Variants in KPNA3 observed in about 807,000 individuals in gnomAD.
KPNA3 encodes karyopherin subunit alpha 3.
KPNA3 carries 13 observed loss-of-function variants against 73.8 expected under a neutral mutation model. That is an observed-to-expected ratio of 0.18 (90% CI 0.11 to 0.28). KPNA3 has a LOEUF of 0.28. Ranked by LOEUF, KPNA3 falls within the 10% of genes least tolerant of loss-of-function variation. The pLI is 1.00. For synonymous variants in KPNA3, 186 were observed against 206.9 expected (o/e 0.90, Z 0.87); for missense variants, 360 against 618.1 (o/e 0.58, Z 4.43).
At chr13:49,747,173 C>T (rs1954623830) in intron 1 of KPNA3, among the ~76,000 whole-genome samples, 180 bp from the exon 2 acceptor site, 1 of 151,928 alleles carries the variant, frequency 6.6e-6, no homozygotes, top group Non-Finnish European at 1.5e-5. Context: ...GAAACCTAGT[C>T]TCTACTAAAA....
At chr13:49,703,355 T>C (rs1480499161) in intron 15 of KPNA3, among the ~76,000 whole-genome samples, 1 of 151,598 alleles carries the variant, frequency 6.6e-6, no homozygotes, top group African/African-American at 2.4e-5. Context: ...TAATTTTTTG[T>C]GTTTTTAGTA....
Position 49,710,924 on chromosome 13 carries a change from C to T in KPNA3, c.870G>A (p.Val290=), listed in dbSNP as rs1490409510. Residue 290 remains valine, a synonymous_variant, in exon 11 of 17, where the codon GTG becomes GTA. Transcript: ENST00000261667. ...VIDSGVVPFL[V]PLLSHQEVKV... is the part of the protein sequence containing the mutation. ...TGACTTCCTGATGGCTCAGAAGGGG[C>T]ACAAGAAAGGGCACAACTCCTGAAT... 6.2e-7 allele frequency: 1 copy of T among 1,613,722 alleles called. No homozygotes were observed. The highest frequency in any genetic ancestry group is 8.5e-7 in the Non-Finnish European group (1 of 1,179,840).
intron 2 of KPNA3, among the ~76,000 whole-genome samples, chr13:49,738,890 T>C (rs1954548430): frequency 6.6e-6 from 1 of 152,248 alleles, no homozygotes; most frequent in African/African-American, 2.4e-5. Context: ...GCAGTTATGA[T>C]GGACTTCCTC....
intron 1 of KPNA3, among the ~76,000 whole-genome samples, chr13:49,791,084 C>A (rs1448933787): frequency 6.6e-6 from 1 of 152,244 alleles, no homozygotes; most frequent in African/African-American, 2.4e-5. Context: ...TTATTTGACT[C>A]ATTTAAATGG....
rs192564587 is a variant in KPNA3 at position 49,757,381 on chromosome 13, T to C, written c.70-10388A>G. ...CCAACCAACCAATGGAACTAGAAAATGGGCAAAAGAAATGAAAAAATATTT... is the reference window on the plus strand; with the variant it reads ...CCAACCAACCAATGGAACTAGAAAACGGGCAAAAGAAATGAAAAAATATTT... On this transcript the variant is annotated intron_variant, in intron 1 of 16. Coordinates refer to ENST00000261667, the MANE Select transcript of KPNA3 (RefSeq NM_002267.4). Among the ~76,000 whole-genome samples, 29 of 151,024 alleles carry C rather than the reference T, an allele frequency of 1.9e-4. No individual in the cohort carries two copies. In the East Asian group the frequency reaches 5.6e-3, roughly 29 times the overall value.
intron 9 of KPNA3, among the ~76,000 whole-genome samples, chr13:49,720,729 CAAAAAAAAAAA>C (rs10707385): frequency 3.4e-5 from 3 of 88,020 alleles, no homozygotes; most frequent in Non-Finnish European, 7.0e-5. Flanking sequence ...GAGACTGTCT[CAAAAAAAAAAA>C]AAAAAAAAAG....
intron 1 of KPNA3, among the ~76,000 whole-genome samples, chr13:49,761,652 A>G (rs7998351): frequency 0.52 from 76,569 of 147,040 alleles, 18,762 homozygotes; most frequent in East Asian, 0.87. Flanking sequence ...GCCTCTGCCC[A>G]GCCGCCACCC....
At chr13:49,704,884 T>C (rs939267956) in intron 15 of KPNA3, among the ~76,000 whole-genome samples, 34 of 152,218 alleles carry the variant, frequency 2.2e-4, no homozygotes, top group Non-Finnish European at 3.5e-4. Flanking sequence ...TATGAAATAA[T>C]ATTTCCTAAA....
intron 2 of KPNA3, among the ~76,000 whole-genome samples, chr13:49,735,704 C>T (rs1402777525): frequency 1.3e-5 from 2 of 152,142 alleles, no homozygotes; most frequent in African/African-American, 2.4e-5. Flanking sequence ...AAATGGATTT[C>T]TTAAATTCCT....
chr13:49,737,550 AGTGTGTGTGTCTGTGTGTGT>A (rs1399365931), intron 2 of KPNA3, among the ~76,000 whole-genome samples: 1 of 124,522 alleles, frequency 8.0e-6, no homozygotes, highest in African/African-American at 3.2e-5. Context: ...CTTACTATTA[AGTGTGTGTGTCTGTGTGTGT>A]GTGTGTGTGT....
In KPNA3 at chr13:49,732,968, C is replaced by G; in HGVS notation, c.193G>C (p.Asp65His). Reference protein sequence around the residue: ...ESLEDSDVDADFKAQNVTLEA... With the variant: ...ESLEDSDVDAHFKAQNVTLEA... ...ACATGGTAACTTACTGCTTTAAAAT[C>G]AGCATCAACATCTGAATCTTCTAGA... Residue 65 changes from aspartate to histidine, a missense_variant, in exon 3 of 17, where the codon GAT becomes CAT. Asp to His is a moderately conservative substitution (Grantham distance 81). Around this residue, in one of 3 missense-constraint regions of KPNA3, gnomAD observed 287 missense variants for 549.1 expected, o/e 0.52. Coordinates refer to ENST00000261667, the MANE Select transcript of KPNA3 (RefSeq NM_002267.4). 6.3e-7 allele frequency: 1 copy of G among 1,598,714 alleles called. No individual in the cohort carries two copies.
intron 1 of KPNA3, among the ~76,000 whole-genome samples, chr13:49,756,205 C>T (rs1470602509): frequency 1.3e-5 from 2 of 152,130 alleles, no homozygotes; most frequent in Non-Finnish European, 2.9e-5. Flanking sequence ...GCTCGGGAGA[C>T]GGAGGCTGCA....
At chr13:49,778,861 G>C (rs1019024706) in intron 1 of KPNA3, among the ~76,000 whole-genome samples, 2 of 152,244 alleles carry the variant, frequency 1.3e-5, no homozygotes, top group Middle Eastern at 3.4e-3. Context: ...TCCCTCCTCT[G>C]TCTTCCAAAG....
Position 49,732,776 on chromosome 13 carries a change from G to T in KPNA3, c.205C>A (p.Gln69Lys). The T allele has an allele frequency of 6.4e-7, 1 of 1,561,172 alleles. No homozygotes were observed. Among genetic ancestry groups the T allele is most frequent in the Non-Finnish European group, 8.7e-7 (1 of 1,144,598 alleles). ...DSDVDADFKA[Q>K]NVTLEAILQN... The stretch of plus-strand genomic sequence containing the variant: ...AATATAGCTTCTAGGGTTACATTTT[G>T]CTTAAAAAGAAAAAAAAAATAGTTC... The change falls in exon 4 of 17, where the codon CAA becomes AAA. Residue 69 changes from glutamine to lysine, a missense_variant and splice_region_variant. Physicochemically the swap from Gln to Lys is moderately conservative, Grantham distance 53 (BLOSUM62 1). Around this residue, in one of 3 missense-constraint regions of KPNA3, gnomAD observed 287 missense variants for 549.1 expected, o/e 0.52. Coordinates refer to ENST00000261667, the MANE Select transcript of KPNA3 (RefSeq NM_002267.4).
At chr13:49,785,302 G>C (rs1954973121) in intron 1 of KPNA3, among the ~76,000 whole-genome samples, 1 of 152,038 alleles carries the variant, frequency 6.6e-6, no homozygotes, top group Non-Finnish European at 1.5e-5. Flanking sequence ...GCAGAATATA[G>C]AGGCAGGGCC....
At chr13:49,779,030 G>A (rs532647197) in intron 1 of KPNA3, among the ~76,000 whole-genome samples, 40 of 151,758 alleles carry the variant, frequency 2.6e-4, no homozygotes, top group Admixed American at 6.6e-4. Context: ...ATTTTTCTAC[G>A]CCTTAAATTT....
chr13:49,714,573 C>CA (rs967454183), intron 10 of KPNA3, among the ~76,000 whole-genome samples: 22 of 152,142 alleles, frequency 1.4e-4, no homozygotes, highest in African/African-American at 5.3e-4. Context: ...ACTAACTCCA[C>CA]AAAAAAGTAC....
At chr13:49,792,104 C>T (rs1955038700) in intron 1 of KPNA3, among the ~76,000 whole-genome samples, 1 of 152,124 alleles carries the variant, frequency 6.6e-6, no homozygotes, top group Non-Finnish European at 1.5e-5. Flanking sequence ...AGGGCCCGGG[C>T]GGCAGCATCC....
intron 1 of KPNA3, among the ~76,000 whole-genome samples, chr13:49,780,960 A>T (rs566540351): frequency 1.3e-5 from 2 of 152,190 alleles, no homozygotes; most frequent in East Asian, 3.9e-4. Flanking sequence ...ACCTCAGGTG[A>T]TCCACCTGCC....
Sources: allele counts gnomAD v4.1 joint callset (sites outside exome capture counted in the v4.1 genomes callset), GRCh38; gene constraint gnomAD v4.1.1; regional missense constraint gnomAD v4.1.1; transcripts MANE v1.5; gene names NCBI Gene and HGNC (gene_info 2026-07-23, HGNC 2026-07-21).